ARHGAP8: variants seen among roughly 807,000 people sequenced by gnomAD.
The protein encoded by ARHGAP8 is rho GTPase-activating protein 8.
Under a neutral mutation model 46.1 loss-of-function variants are expected in ARHGAP8, and 62 were observed. That is an observed-to-expected ratio of 1.34 (90% confidence interval 1.10 to 1.66). The LOEUF is 1.66. Ranked by LOEUF, ARHGAP8 falls within the 40% of genes most tolerant of loss-of-function variation. ARHGAP8 has a pLI of 0.00. For synonymous variants in ARHGAP8, 375 were observed against 243.1 expected, an observed-to-expected ratio of 1.54 and a Z score of -5.05; for missense variants, 923 against 568.4, an observed-to-expected ratio of 1.62 and a Z score of -6.34.
intron 2 of ARHGAP8, among the ~76,000 whole-genome samples, chr22:44,787,812 T>C (rs1927368764): frequency 6.6e-6 from 1 of 151,672 alleles, no homozygotes; most frequent in Admixed American, 6.6e-5. Context: ...CTCAAACAGT[T>C]AAAGACCCCA....
chr22:44,844,614 G>T (rs114824673), intron 7 of ARHGAP8, among the ~76,000 whole-genome samples: 1 of 151,752 alleles, frequency 6.6e-6, no homozygotes. Flanking sequence ...AGGTGTACAC[G>T]ATCACATCCA....
chr22:44,824,621 T>C (rs182571374), intron 6 of ARHGAP8, among the ~76,000 whole-genome samples: 8 of 136,348 alleles, frequency 5.9e-5, no homozygotes, highest in East Asian at 2.2e-4. Flanking sequence ...TTTCTTTTCT[T>C]TCTTCTTCTT....
At chr22:44,823,912 C>G (rs1235107779) in intron 6 of ARHGAP8, among the ~76,000 whole-genome samples, 1 of 152,052 alleles carries the variant, frequency 6.6e-6, no homozygotes, top group African/African-American at 2.4e-5. Context: ...GGGAGAGGGG[C>G]TTGGGCTTGG....
At chr22:44,859,558 G>C in intron 10 of ARHGAP8, 173 bp from the exon 11 acceptor site, 1 of 645,900 alleles carries the variant, frequency 1.5e-6, no homozygotes, top group Non-Finnish European at 2.7e-6. Flanking sequence ...CAAACACACA[G>C]GTTTGCTGAG....
intron 4 of ARHGAP8, among the ~76,000 whole-genome samples, chr22:44,813,612 CTT>C (rs1468070060): frequency 1.3e-5 from 2 of 151,590 alleles, no homozygotes; most frequent in Non-Finnish European, 1.5e-5. Context: ...CCTACACACA[CTT>C]ACGCTTACTT....
At chr22:44,775,921 A>G (rs557726219) in intron 1 of ARHGAP8, among the ~76,000 whole-genome samples, 6 of 152,238 alleles carry the variant, frequency 3.9e-5, no homozygotes, top group African/African-American at 1.4e-4. Context: ...CACATTTCCA[A>G]ATTTGCTTGA....
intron 5 of ARHGAP8, among the ~76,000 whole-genome samples, chr22:44,821,312 C>T (rs1031813747): frequency 6.6e-6 from 1 of 151,954 alleles, no homozygotes; most frequent in Non-Finnish European, 1.5e-5. Flanking sequence ...CACCTTAATC[C>T]CAGCTACTTG....
chr22:44,784,360 T>C (rs1368190598), intron 1 of ARHGAP8, among the ~76,000 whole-genome samples: 1 of 152,146 alleles, frequency 6.6e-6, no homozygotes, highest in Non-Finnish European at 1.5e-5. Context: ...GCAGAGATCA[T>C]GCCACTGCAC....
At chr22:44,794,283 G>A (rs1927918508) in intron 2 of ARHGAP8, among the ~76,000 whole-genome samples, 1 of 151,166 alleles carries the variant, frequency 6.6e-6, no homozygotes, top group African/African-American at 2.4e-5. Flanking sequence ...CTCCAAGTCA[G>A]TTTCATTATT....
At chr22:44,807,496 G>A (rs1212894432) in intron 3 of ARHGAP8, among the ~76,000 whole-genome samples, 1 of 152,150 alleles carries the variant, frequency 6.6e-6, no homozygotes, top group Non-Finnish European at 1.5e-5. Context: ...GGAAGGAATT[G>A]CTTGCCTTAG....
intron 3 of ARHGAP8, among the ~76,000 whole-genome samples, chr22:44,807,734 C>T (rs1168547661): frequency 6.6e-6 from 1 of 152,200 alleles, no homozygotes; most frequent in Non-Finnish European, 1.5e-5. Flanking sequence ...GTGGCCAGGG[C>T]CGTGCTCCCT....
intron 2 of ARHGAP8, among the ~76,000 whole-genome samples, chr22:44,790,966 C>T (rs1927636535): frequency 6.6e-6 from 1 of 152,038 alleles, no homozygotes; most frequent in African/African-American, 2.4e-5. Context: ...CTCCTGAGCT[C>T]AGGCAATCCA....
chr22:44,754,764 C>T (rs537082699), intron 1 of ARHGAP8, among the ~76,000 whole-genome samples: 9 of 152,152 alleles, frequency 5.9e-5, no homozygotes, highest in Non-Finnish European at 1.2e-4. Flanking sequence ...ACACTGTAAA[C>T]GATGGAGTTA....
intron 1 of ARHGAP8, among the ~76,000 whole-genome samples, chr22:44,771,168 G>T (rs1478083887): frequency 1.4e-5 from 2 of 147,266 alleles, no homozygotes; most frequent in Non-Finnish European, 3.0e-5. Flanking sequence ...TGCTAATTTT[G>T]TTTATTGGTT....
chr22:44,761,488 G>T (rs1480045123), intron 1 of ARHGAP8, among the ~76,000 whole-genome samples: 1 of 152,210 alleles, frequency 6.6e-6, no homozygotes, highest in African/African-American at 2.4e-5. Flanking sequence ...ATGATTTAAA[G>T]CATACAGAAG....
intron 1 of ARHGAP8, among the ~76,000 whole-genome samples, chr22:44,779,931 G>A (rs954908615): frequency 5.3e-5 from 8 of 152,014 alleles, no homozygotes; most frequent in African/African-American, 1.9e-4. Context: ...CAAACCCTGC[G>A]GGCTTGTGTG....
chr22:44,778,251 G>C (rs1357182736), intron 1 of ARHGAP8, among the ~76,000 whole-genome samples: 1 of 151,972 alleles, frequency 6.6e-6, no homozygotes, highest in Non-Finnish European at 1.5e-5. Context: ...TCATAGCTTA[G>C]CTCCCACTTA....
intron 10 of ARHGAP8, 74 bp downstream of exon 10, chr22:44,849,134 C>G (rs2070034673): frequency 7.5e-6 from 12 of 1,600,114 alleles, no homozygotes; most frequent in Non-Finnish European, 9.4e-6. Context: ...GGCCCAGGGT[C>G]AGGCTCTGGG....
rs143958277 is a variant in ARHGAP8 at position 44,773,126 on chromosome 22, T to C, written c.-71-13331T>C. 4.0e-3 allele frequency among the ~76,000 whole-genome samples: 614 copies of C among 152,314 alleles called. 7 individuals carry two copies. The highest frequency in any genetic ancestry group is 0.014 in the African/African-American group (580 of 41,570). ...CCACCAAGCCTGGCCAGGAAGCTTT[T>C]CTTAACAAATTTGACTTACGTACTA... is the stretch of plus-strand genomic sequence containing the variant. On this transcript the variant is annotated intron_variant, in intron 1 of 11. Transcript: ENST00000356099.
Sources: allele counts gnomAD v4.1 joint callset (sites outside exome capture counted in the v4.1 genomes callset), GRCh38; gene constraint gnomAD v4.1.1; transcripts MANE v1.5; gene names NCBI Gene and HGNC (gene_info 2026-07-23, HGNC 2026-07-21).